METTL8: variants seen among roughly 807,000 people sequenced by gnomAD.
METTL8 encodes the protein methyltransferase 8, tRNA N3-cytidine.
Under a neutral mutation model 48.7 loss-of-function variants are expected in METTL8, and 32 were observed. That is an observed-to-expected ratio of 0.66 (90% confidence interval 0.50 to 0.88). The LOEUF (loss-of-function observed/expected upper bound fraction) is 0.88. Among genes scored for constraint, METTL8 ranks in the 40% least tolerant of loss-of-function variants. METTL8 has a pLI of 0.00. For synonymous variants in METTL8, 136 were observed against 157.1 expected (o/e 0.87, Z 1.01); for missense variants, 464 against 474.4 (o/e 0.98, Z 0.20).
chr2:171,430,641 C>A (rs1040743008), intron 1 of METTL8, among the ~76,000 whole-genome samples: 1 of 152,096 alleles, frequency 6.6e-6, no homozygotes, highest in African/African-American at 2.4e-5. Flanking sequence ...ACTCTGGCAG[C>A]AGTATGGAGG....
intron 1 of METTL8, among the ~76,000 whole-genome samples, chr2:171,397,553 C>CAAAAAA (rs34936693): frequency 3.8e-5 from 2 of 52,140 alleles, no homozygotes; most frequent in Non-Finnish European, 7.8e-5. Flanking sequence ...AACCCTGCCT[C>CAAAAAA]AAAAAAAAAA....
intron 2 of METTL8, among the ~76,000 whole-genome samples, chr2:171,386,102 TGA>T (rs1559152896): frequency 1.3e-5 from 2 of 152,352 alleles, no homozygotes; most frequent in African/African-American, 2.4e-5. Flanking sequence ...CTTGCTTTCC[TGA>T]GTCTATGACA....
chr2:171,345,569 A>AC (rs1687185086), intron 3 of METTL8, among the ~76,000 whole-genome samples: 1 of 152,160 alleles, frequency 6.6e-6, no homozygotes, highest in Non-Finnish European at 1.5e-5. Flanking sequence ...TAAACAAATA[A>AC]CCTAAATTTA....
intron 1 of METTL8, among the ~76,000 whole-genome samples, chr2:171,397,774 T>C (rs1220593031): frequency 4.6e-5 from 7 of 152,144 alleles, no homozygotes; most frequent in Non-Finnish European, 1.5e-5. Context: ...ATTGAAAAGC[T>C]AATACTGGGA....
chr2:171,341,527 C>T (rs1367086392), intron 3 of METTL8, among the ~76,000 whole-genome samples: 2 of 151,264 alleles, frequency 1.3e-5, no homozygotes, highest in Non-Finnish European at 2.9e-5. Flanking sequence ...GCGTGAGCTA[C>T]TGCGCCTGGC....
chr2:171,357,289 A>T (rs949104990), intron 3 of METTL8, among the ~76,000 whole-genome samples: 1 of 152,152 alleles, frequency 6.6e-6, no homozygotes, highest in Non-Finnish European at 1.5e-5. Flanking sequence ...AGAAAAACCT[A>T]AAGACTCCAC....
intron 3 of METTL8, among the ~76,000 whole-genome samples, chr2:171,355,682 C>A (rs1000408160): frequency 6.6e-6 from 1 of 152,242 alleles, no homozygotes; most frequent in Non-Finnish European, 1.5e-5. Flanking sequence ...CGCCCCTCCC[C>A]CAGCCTCGCT....
Position 171,325,877 on chromosome 2 carries a change from GAAC to G in METTL8, c.994_996del (p.Val332del). 6.3e-7 allele frequency: 1 copy of G among 1,599,924 alleles called. No individual in the cohort carries two copies. Among genetic ancestry groups the G allele is most frequent in the South Asian group, 1.1e-5 (1 of 89,316 alleles). ...AAATATGCTCTGGTACCATCTCCTC[GAAC>G]ATAAAAATTTTCAGATAAACAATGT... On this transcript the variant is annotated inframe_deletion, in exon 9 of 10. Coordinates refer to ENST00000375258, the MANE Select transcript of METTL8 (RefSeq NM_001321154.2).
In METTL8 at chr2:171,367,888, T is replaced by C. The variant is rs576591118; in HGVS notation, c.144-7375A>G. Reference sequence around the variant, plus strand: ...GTCTAGAGCTGTGGTTCTCAAACTGTCGTCCACCCTTTGAGGTGGACCACT... The same window carrying C: ...GTCTAGAGCTGTGGTTCTCAAACTGCCGTCCACCCTTTGAGGTGGACCACT... On this transcript the variant is annotated intron_variant, in intron 2 of 9. Coordinates refer to ENST00000375258, the MANE Select transcript of METTL8 (RefSeq NM_001321154.2). Among the ~76,000 whole-genome samples the C allele has an allele frequency of 2.6e-5, 4 of 152,318 alleles. No homozygotes were observed. The South Asian group carries it at 6.2e-4, about 24-fold the overall frequency.
rs73021084 is a variant in METTL8 at position 171,368,878 on chromosome 2, T to A, written c.144-8365A>T. Reference sequence around the variant, plus strand: ...ATAGTGAGACCCGGTCTTAAAAAAATATATATATATGGCAGAATATAAAAA... The same window carrying A: ...ATAGTGAGACCCGGTCTTAAAAAAAAATATATATATGGCAGAATATAAAAA... On this transcript the variant is annotated intron_variant, in intron 2 of 9. Transcript: ENST00000375258. Among the ~76,000 whole-genome samples, 900 of 151,800 alleles carry A rather than the reference T, an allele frequency of 5.9e-3. 9 individuals carry two copies. The highest frequency in any genetic ancestry group is 0.019 in the African/African-American group (792 of 41,384).
intron 5 of METTL8, among the ~76,000 whole-genome samples, chr2:171,337,176 T>G (rs1163247889): frequency 6.6e-6 from 1 of 152,260 alleles, no homozygotes; most frequent in East Asian, 1.9e-4. Context: ...CTGCTTCCTC[T>G]TTTCTTATTC....
intron 3 of METTL8, among the ~76,000 whole-genome samples, chr2:171,359,701 C>T (rs1175158393): frequency 6.6e-6 from 1 of 150,388 alleles, no homozygotes; most frequent in Non-Finnish European, 1.5e-5. Context: ...CAACCTCTGC[C>T]TCCTGAGTTC....
At chr2:171,401,743 C>G (rs181534383) in intron 1 of METTL8, among the ~76,000 whole-genome samples, 1 of 152,268 alleles carries the variant, frequency 6.6e-6, no homozygotes, top group Non-Finnish European at 1.5e-5. Context: ...ACTTATTTAC[C>G]TGGCATTTCA....
intron 1 of METTL8, among the ~76,000 whole-genome samples, chr2:171,420,754 T>C (rs6433290): frequency 0.2 from 30,106 of 152,152 alleles, 3,130 homozygotes; most frequent in South Asian, 0.29. Context: ...AGTATATCAA[T>C]GTAATTTGCC....
Position 171,339,167 on chromosome 2 carries a change from TC to T in METTL8, c.606+16del. The T allele has an allele frequency of 7.0e-7, 1 of 1,429,292 alleles. No individual in the cohort carries two copies. 88.5% of individuals were successfully genotyped at this position (1,429,292 alleles called of 1,614,324 possible). ...AATTATTTGTCACCTCCCATTTTTG[TC>T]CCTTGAGCACAATACCTCTAGTATC... is the stretch of plus-strand genomic sequence containing the variant. On this transcript the variant is annotated intron_variant, in intron 4 of 9. Transcript: ENST00000375258.
At chr2:171,430,842 A>G (rs1039278507) in intron 1 of METTL8, among the ~76,000 whole-genome samples, 2 of 152,108 alleles carry the variant, frequency 1.3e-5, no homozygotes, top group Non-Finnish European at 2.9e-5. Context: ...CCTCTGATTG[A>G]TCCCCACCCT....
intron 2 of METTL8, among the ~76,000 whole-genome samples, chr2:171,386,817 T>C (rs953443398): frequency 7.9e-5 from 12 of 151,998 alleles, no homozygotes; most frequent in Admixed American, 7.9e-4. Flanking sequence ...CCCGATCCTA[T>C]GCCTATAAAC....
chr2:171,378,798 C>T (rs2105522978), intron 2 of METTL8, among the ~76,000 whole-genome samples: 1 of 152,250 alleles, frequency 6.6e-6, no homozygotes, highest in East Asian at 1.9e-4. Flanking sequence ...AACTGCCACA[C>T]AATAGTGGTG....
intron 7 of METTL8, 198 bp from the exon 8 acceptor site, chr2:171,326,346 C>T: frequency 1.9e-6 from 1 of 530,118 alleles, no homozygotes; most frequent in Non-Finnish European, 3.3e-6. Context: ...TGACTAGATT[C>T]AAAAGTCCTA....
Sources: gnomAD v4.1 joint callset for allele counts (sites outside exome capture counted in the v4.1 genomes callset) on GRCh38, gnomAD v4.1.1 for gene constraint, MANE v1.5 for transcripts, NCBI Gene and HGNC (gene_info 2026-07-23, HGNC 2026-07-21) for gene names.